FBLN7: variants seen among roughly 807,000 people sequenced by gnomAD.
FBLN7 encodes fibulin 7.
FBLN7 carries 31 observed loss-of-function variants against 44.0 expected under a neutral mutation model. That is an observed-to-expected ratio of 0.70 (90% confidence interval 0.53 to 0.95). The LOEUF is 0.95. Among genes scored for constraint, FBLN7 ranks in the 40% least tolerant of loss-of-function variants. FBLN7 has a pLI of 0.00. For missense variants in FBLN7, 573 were observed against 618.5 expected (o/e 0.93, Z 0.78); for synonymous variants, 262 against 253.4 (o/e 1.03, Z -0.32).
chr2:112,156,554 G>A (rs1323796110), intron 1 of FBLN7, among the ~76,000 whole-genome samples: 2 of 152,346 alleles, frequency 1.3e-5, no homozygotes, highest in Middle Eastern at 6.8e-3. Flanking sequence ...ACGTGGGTGT[G>A]GGAAATCAGG....
At chr2:112,201,454 C>T in the FBLN7 span, among the ~76,000 whole-genome samples, 192 of 152,348 alleles carry the variant, frequency 1.3e-3, no homozygotes, top group Non-Finnish European at 2.4e-3. Context: ...CCTGCCTTGC[C>T]GTTCCAGCTC....
chr2:112,155,181 G>T (rs889740278), intron 1 of FBLN7, among the ~76,000 whole-genome samples: 1 of 152,180 alleles, frequency 6.6e-6, no homozygotes, highest in Non-Finnish European at 1.5e-5. Context: ...GGGGCACTGG[G>T]GTCTCAGGCC....
At chr2:112,204,257 T>C in the FBLN7 span, among the ~76,000 whole-genome samples, 1 of 151,052 alleles carries the variant, frequency 6.6e-6, no homozygotes, top group Non-Finnish European at 1.5e-5. Context: ...TCATTGATAT[T>C]ATCCAGCTTG....
the FBLN7 span, among the ~76,000 whole-genome samples, chr2:112,240,991 GTGTA>G: frequency 1.2e-4 from 16 of 132,208 alleles, no homozygotes; most frequent in Non-Finnish European, 2.6e-4. Flanking sequence ...GTGTGCGCGT[GTGTA>G]TGTGTGTTGT....
At chr2:112,209,849 AAG>A in the FBLN7 span, among the ~76,000 whole-genome samples, 5 of 150,612 alleles carry the variant, frequency 3.3e-5, no homozygotes, top group Non-Finnish European at 7.4e-5. Flanking sequence ...TCAGAGCCAA[AAG>A]AGGGTGAAAT....
rs1238412185 is a variant in FBLN7, at chr2:112,185,357, A to C, written c.947+18A>C. On this transcript the variant is annotated intron_variant, in intron 7 of 7. Coordinates refer to ENST00000331203, the MANE Select transcript of FBLN7 (RefSeq NM_153214.3). ...TCTCCATTGTGAGTATCTCCAGGGGAGGCACACCCTCACCCAGGCCTCCAA... is the reference window on the plus strand; with the variant it reads ...TCTCCATTGTGAGTATCTCCAGGGGCGGCACACCCTCACCCAGGCCTCCAA... 1.2e-6 allele frequency: 2 copies of C among 1,606,250 alleles called. No homozygotes were observed. Among genetic ancestry groups the C allele is most frequent in the Admixed American group, 1.7e-5 (1 of 59,808 alleles).
intron 2 of FBLN7, among the ~76,000 whole-genome samples, chr2:112,160,171 T>C (rs990840107): frequency 4.6e-5 from 7 of 152,274 alleles, no homozygotes; most frequent in African/African-American, 1.7e-4. Context: ...TTTGTATTTT[T>C]AGTAGAGACG....
chr2:112,152,556 A>G (rs1359528525), intron 1 of FBLN7: 1 of 152,216 alleles, frequency 6.6e-6, no homozygotes, highest in Admixed American at 6.5e-5. Flanking sequence ...TTGCTCAAAC[A>G]CCAGTCCAGA....
chr2:112,212,963 T>A, the FBLN7 span: 4 of 129,988 alleles, frequency 3.1e-5, no homozygotes, highest in African/African-American at 9.2e-5. Flanking sequence ...TCAGAAGAAA[T>A]GCTTTTTTTT....
At position 112,187,460 on chromosome 2, in the gene FBLN7, A is replaced by C. The variant is rs769506660; in HGVS notation, c.1274A>C (p.Asn425Thr). 9.9e-6 allele frequency: 16 copies of C among 1,614,060 alleles called. No homozygotes were observed. In the East Asian group the frequency reaches 3.6e-4, roughly 36 times the overall value. Residue 425 changes from asparagine to threonine, a missense_variant, in exon 8 of 8, where the codon AAC (asparagine) becomes ACC (threonine). Coordinates refer to ENST00000331203, the MANE Select transcript of FBLN7 (RefSeq NM_153214.3). This position sits in a 1 kb window ranked among gnomAD's most constrained non-coding sequence, Gnocchi z 5.1. ...TACCTGGACCGCTCCTTCCAGGCCA[A>C]CCACGTGTCCAAGGTCACCATCTTT... Reference protein sequence around the residue: ...SEYLDRSFQANHVSKVTIFVS... With the variant: ...SEYLDRSFQATHVSKVTIFVS...
rs1223075558 is a variant in FBLN7, at chr2:112,187,284, T to C, written c.1098T>C (p.Ala366=). Residue 366 remains alanine (A), a synonymous_variant, in exon 8 of 8, where the codon GCT becomes GCC. Coordinates refer to ENST00000331203, the MANE Select transcript of FBLN7 (RefSeq NM_153214.3). This position sits in a 1 kb window ranked among gnomAD's most constrained non-coding sequence, Gnocchi z 5.1. The part of the protein sequence containing the change: ...RMATASAPGR[A]GPNSLRFGIV... ...CCACAGCCTCTGCCCCCGGCCGAGC[T>C]GGGCCCAACAGCCTGCGGTTTGGGA... 6.2e-7 allele frequency: 1 copy of C among 1,614,166 alleles called. No homozygotes were observed. Among genetic ancestry groups the C allele is most frequent in the Non-Finnish European group, 8.5e-7 (1 of 1,180,026 alleles).
At chr2:112,162,899 G>A (rs149341668) in intron 2 of FBLN7, among the ~76,000 whole-genome samples, 3 of 152,086 alleles carry the variant, frequency 2.0e-5, no homozygotes, top group Admixed American at 2.0e-4. Flanking sequence ...ACTCTTTAAC[G>A]CAATAAAGTA....
chr2:112,223,342 A>G, the FBLN7 span, among the ~76,000 whole-genome samples: 1 of 152,210 alleles, frequency 6.6e-6, no homozygotes, highest in Non-Finnish European at 1.5e-5. Flanking sequence ...GTATTAATTT[A>G]GATGTAATGG....
At chr2:112,143,505 C>T (rs539310718) in intron 1 of FBLN7, among the ~76,000 whole-genome samples, 1 of 152,288 alleles carries the variant, frequency 6.6e-6, no homozygotes, top group South Asian at 2.1e-4. Context: ...CCATTTGATA[C>T]ATTGCTTTTT....
rs1001621741 is a variant in FBLN7 at position 112,184,819 on chromosome 2, T to C, written c.809-382T>C. Among the ~76,000 whole-genome samples the C allele has an allele frequency of 4.6e-5, 6 of 129,214 alleles. 1 individual carries two copies. Among genetic ancestry groups the C allele is most frequent in the East Asian group, 2.2e-4 (1 of 4,632 alleles). The allele number at this position is 129,214 out of a possible 152,430, so 84.8% of individuals were successfully genotyped here. A position where few individuals can be genotyped will look rare whatever the true frequency, so the allele number is the denominator to read the frequency against. On this transcript the variant is annotated intron_variant, in intron 6 of 7. Transcript: ENST00000331203. ...TATACCATATATACATATATATATA[T>C]ACCATATACATATATATACACACAC...
At chr2:112,152,291 G>A (rs533366475) in intron 1 of FBLN7, 28 of 152,286 alleles carry the variant, frequency 1.8e-4, no homozygotes, top group Non-Finnish European at 2.9e-4. Flanking sequence ...CGCTGTCATG[G>A]GTTCCTGTGT....
intron 6 of FBLN7, among the ~76,000 whole-genome samples, chr2:112,183,882 G>A (rs1253770942): frequency 6.6e-6 from 1 of 152,162 alleles, no homozygotes; most frequent in East Asian, 1.9e-4. Flanking sequence ...GTAGAACAGA[G>A]AGGCTGAGAA....
intron 1 of FBLN7, among the ~76,000 whole-genome samples, chr2:112,150,130 C>T (rs976271508): frequency 1.3e-5 from 2 of 152,200 alleles, no homozygotes; most frequent in Non-Finnish European, 2.9e-5. Flanking sequence ...TCCCCGTCTG[C>T]TGGAGATTAG....
At chr2:112,236,024 G>A in the FBLN7 span, among the ~76,000 whole-genome samples, 2 of 152,058 alleles carry the variant, frequency 1.3e-5, no homozygotes, top group Admixed American at 6.5e-5. Context: ...GTGGGTGGTG[G>A]GAGCCGAGGC....
Sources: gnomAD v4.1 joint callset for allele counts (sites outside exome capture counted in the v4.1 genomes callset) on GRCh38, gnomAD v4.1.1 for gene constraint, Gnocchi (gnomAD v3.1) non-coding constraint, MANE v1.5 for transcripts, NCBI Gene and HGNC (gene_info 2026-07-23, HGNC 2026-07-21) for gene names.